RECQL: variants seen among roughly 807,000 people sequenced by gnomAD.
RECQL encodes the protein ATP-dependent DNA helicase Q1.
RECQL carries 73 observed loss-of-function variants against 75.8 expected under a neutral mutation model. That is an observed-to-expected ratio of 0.96 (90% CI 0.80 to 1.17). RECQL has a LOEUF of 1.17. Ranked by LOEUF, RECQL falls within the 50% of genes most tolerant of loss-of-function variation. The pLI is 0.00. For synonymous variants in RECQL, 248 were observed against 254.4 expected, an observed-to-expected ratio of 0.97 and a Z score of 0.24; for missense variants, 699 against 772.1, an observed-to-expected ratio of 0.91 and a Z score of 1.12.
intron 4 of RECQL, among the ~76,000 whole-genome samples, chr12:21,488,069 G>C (rs1196899210): frequency 6.6e-6 from 1 of 152,106 alleles, no homozygotes; most frequent in Non-Finnish European, 1.5e-5. Flanking sequence ...ATACTCACCA[G>C]TTCCACTTCC....
chr12:21,501,221 T>C lies in RECQL; in HGVS notation c.-97A>G, dbSNP rs1436611403. On this transcript the variant is annotated 5_prime_UTR_variant, in exon 1 of 15. It removes an upstream start codon present in the reference 5' UTR. Transcript: ENST00000444129. ...GGCTTTGGTGGCCAATCCTCCTGCA[T>C]GGAAAAGAATGGGGAGATCAGAAGA... The C allele has an allele frequency of 1.3e-5, 2 of 151,940 alleles. No homozygotes were observed. The highest frequency in any genetic ancestry group is 4.8e-5 in the African/African-American group (2 of 41,338). 9.4% of individuals were successfully genotyped at this position (151,940 alleles called of 1,614,324 possible). A position where few individuals can be genotyped will look rare whatever the true frequency, so the allele number is the denominator to read the frequency against.
intron 2 of RECQL, among the ~76,000 whole-genome samples, chr12:21,495,382 A>C (rs932884359): frequency 6.6e-6 from 1 of 152,098 alleles, no homozygotes; most frequent in Non-Finnish European, 1.5e-5. Context: ...GGATCACGAG[A>C]TCAGGAGATC....
chr12:21,486,116 C>T (rs1371295175), intron 5 of RECQL, among the ~76,000 whole-genome samples: 1 of 152,140 alleles, frequency 6.6e-6, no homozygotes, highest in Non-Finnish European at 1.5e-5. Context: ...GTCTCTATCA[C>T]AACTACTCCA....
rs534239246 is a variant in RECQL at position 21,481,128 on chromosome 12, A to T, written c.700+2248T>A. On this transcript the variant is annotated intron_variant, in intron 6 of 14. Coordinates refer to ENST00000444129, the MANE Select transcript of RECQL (RefSeq NM_002907.4). ...CAGCAAACATGTGAGTGAGTGGATGATTTTTTAAGACAGAGAAGACTGAAG... is the reference window on the plus strand; with the variant it reads ...CAGCAAACATGTGAGTGAGTGGATGTTTTTTTAAGACAGAGAAGACTGAAG... Among the ~76,000 whole-genome samples, 370 of 152,322 alleles carry T rather than the reference A, an allele frequency of 2.4e-3. 1 individual carries two copies. Among genetic ancestry groups the T allele is most frequent in the African/African-American group, 8.7e-3 (362 of 41,574 alleles).
intron 4 of RECQL, among the ~76,000 whole-genome samples, 175 bp downstream of exon 4, chr12:21,490,020 AAAAT>A (rs1210076111): frequency 1.3e-5 from 2 of 152,194 alleles, no homozygotes; most frequent in African/African-American, 4.8e-5. Context: ...TCTAAAATAA[AAAAT>A]AAATAAAATT....
At chr12:21,496,298 C>T (rs934033405) in intron 2 of RECQL, among the ~76,000 whole-genome samples, 1 of 152,240 alleles carries the variant, frequency 6.6e-6, no homozygotes, top group African/African-American at 2.4e-5. Context: ...TAAGACAGAA[C>T]ACATGCCCTG....
chr12:21,481,154 G>A (rs576767129), intron 6 of RECQL, among the ~76,000 whole-genome samples: 46 of 152,282 alleles, frequency 3.0e-4, no homozygotes, highest in Non-Finnish European at 5.7e-4. Flanking sequence ...AAGACTGAAG[G>A]GGAAATTGCT....
intron 3 of RECQL, among the ~76,000 whole-genome samples, chr12:21,490,603 T>C (rs1050371658): frequency 8.5e-5 from 13 of 152,270 alleles, no homozygotes; most frequent in African/African-American, 2.9e-4. Flanking sequence ...TCAACAGTTT[T>C]GGGAGGCCTA....
At chr12:21,486,693 T>TG in intron 4 of RECQL, 108 bp from the exon 5 acceptor site, 3 of 853,358 alleles carry the variant, frequency 3.5e-6, no homozygotes, top group Non-Finnish European at 4.9e-6. Flanking sequence ...TTTTTAGAGA[T>TG]GGAGTCTCAC....
chr12:21,470,783 G>A (rs1218991476), intron 14 of RECQL, 186 bp downstream of exon 14: 1 of 411,056 alleles, frequency 2.4e-6, no homozygotes, highest in East Asian at 4.1e-5. Context: ...TAAAAGGCCA[G>A]TCTAAATTCT....
At chr12:21,499,803 T>C (rs747911919) in intron 1 of RECQL, among the ~76,000 whole-genome samples, 188 bp from the exon 2 acceptor site, 22 of 152,190 alleles carry the variant, frequency 1.4e-4, no homozygotes, top group Non-Finnish European at 2.9e-4. Context: ...AACTCTATAT[T>C]TCAGCTTAAT....
At chr12:21,495,788 T>C (rs956167304) in intron 2 of RECQL, among the ~76,000 whole-genome samples, 1 of 152,146 alleles carries the variant, frequency 6.6e-6, no homozygotes, top group Non-Finnish European at 1.5e-5. Context: ...AGTAGACATA[T>C]TTTCTGTATT....
At chr12:21,485,447 A>C (rs1245294225) in intron 5 of RECQL, among the ~76,000 whole-genome samples, 1 of 152,048 alleles carries the variant, frequency 6.6e-6, no homozygotes, top group African/African-American at 2.4e-5. Flanking sequence ...TTTCTTCAAC[A>C]AAGAATTTGC....
chr12:21,499,269 G>A (rs1370426943), intron 2 of RECQL, among the ~76,000 whole-genome samples: 5 of 152,156 alleles, frequency 3.3e-5, no homozygotes. Flanking sequence ...GAGAAGTAAT[G>A]GAAAGTTACG....
At chr12:21,490,504 T>C (rs1943390100) in intron 3 of RECQL, 126 bp from the exon 4 acceptor site, 2 of 594,694 alleles carry the variant, frequency 3.4e-6, no homozygotes, top group East Asian at 5.7e-5. Context: ...ATAATAGTTT[T>C]GAGATTAACT....
chr12:21,485,732 G>A (rs1943282259), intron 5 of RECQL, among the ~76,000 whole-genome samples: 1 of 152,022 alleles, frequency 6.6e-6, no homozygotes, highest in Admixed American at 6.6e-5. Context: ...TAAGAGGAAA[G>A]GGGTAGGGAA....
At chr12:21,484,482 T>C (rs190714392) in intron 5 of RECQL, among the ~76,000 whole-genome samples, 1 of 152,268 alleles carries the variant, frequency 6.6e-6, no homozygotes, top group East Asian at 1.9e-4. Flanking sequence ...CACAGATTGA[T>C]TTTGTTGGAG....
Position 21,481,555 on chromosome 12 carries a change from C to G in RECQL, c.700+1821G>C, listed in dbSNP as rs7307309. Among the ~76,000 whole-genome samples, 401 of 152,114 alleles carry G rather than the reference C, an allele frequency of 2.6e-3. 1 individual carries two copies. Among genetic ancestry groups the G allele is most frequent in the African/African-American group, 9.0e-3 (373 of 41,494 alleles). Reference sequence around the variant, plus strand: ...CCAGGTAACAACTATGTGGCGCTATCTGGTTAAGAAAAGAGGGGCCCTTAA... The same window carrying G: ...CCAGGTAACAACTATGTGGCGCTATGTGGTTAAGAAAAGAGGGGCCCTTAA... On this transcript the variant is annotated intron_variant, in intron 6 of 14. Transcript: ENST00000444129.
intron 2 of RECQL, among the ~76,000 whole-genome samples, chr12:21,497,358 C>T (rs1280597825): frequency 6.6e-6 from 1 of 152,176 alleles, no homozygotes; most frequent in African/African-American, 2.4e-5. Context: ...AAAGATTCTG[C>T]ATGATATATT....
Sources: gnomAD v4.1 joint callset for allele counts (sites outside exome capture counted in the v4.1 genomes callset) on GRCh38, gnomAD v4.1.1 for gene constraint, MANE v1.5 for transcripts, NCBI Gene and HGNC (gene_info 2026-07-23, HGNC 2026-07-21) for gene names.